SNCAIP: variants seen among roughly 807,000 people sequenced by gnomAD.
The protein encoded by SNCAIP is synuclein alpha interacting protein, also known as synphilin-1.
SNCAIP carries 43 observed loss-of-function variants against 86.7 expected under a neutral mutation model. The ratio of observed to expected loss-of-function variants is 0.50; its 90% confidence interval spans 0.39 to 0.64. SNCAIP has a LOEUF of 0.64. Ranked by LOEUF, SNCAIP falls within the 30% of genes least tolerant of loss-of-function variation. The pLI is 0.00. For synonymous variants in SNCAIP, 417 were observed against 427.2 expected, an observed-to-expected ratio of 0.98 and a Z score of 0.29; for missense variants, 981 against 1,103.1, an observed-to-expected ratio of 0.89 and a Z score of 1.57.
intron 1 of SNCAIP, chr5:122,371,275 C>A (rs1764204068): frequency 6.6e-6 from 1 of 151,434 alleles, no homozygotes; most frequent in Admixed American, 6.6e-5. Flanking sequence ...TTTCTGTTAT[C>A]CAACCTAGGT....
At chr5:122,433,006 T>C (rs2152948963) in intron 6 of SNCAIP, among the ~76,000 whole-genome samples, 1 of 152,186 alleles carries the variant, frequency 6.6e-6, no homozygotes, top group East Asian at 1.9e-4. Flanking sequence ...CTTTTTCAAG[T>C]AAGACAATCT....
chr5:122,333,816 T>G (rs546577141), intron 1 of SNCAIP, among the ~76,000 whole-genome samples: 6 of 152,174 alleles, frequency 3.9e-5, no homozygotes, highest in Non-Finnish European at 8.8e-5. Context: ...GCCTTAAAGA[T>G]TATTAATTGC....
At chr5:122,455,596 C>G (rs761751284) in intron 10 of SNCAIP, among the ~76,000 whole-genome samples, 2 of 152,172 alleles carry the variant, frequency 1.3e-5, no homozygotes, top group Non-Finnish European at 2.9e-5. Flanking sequence ...CAGCATATCC[C>G]TGGGGAAAAG....
intron 1 of SNCAIP, among the ~76,000 whole-genome samples, chr5:122,338,598 A>C (rs952762182): frequency 6.6e-6 from 1 of 152,190 alleles, no homozygotes. Flanking sequence ...ACAATTTATA[A>C]AGGTTGTGAA....
chr5:122,394,672 G>A (rs781658129), intron 2 of SNCAIP, among the ~76,000 whole-genome samples: 10 of 152,150 alleles, frequency 6.6e-5, no homozygotes, highest in Non-Finnish European at 1.3e-4. Flanking sequence ...ATTCTTTGGA[G>A]CTATGGTGTA....
chr5:122,451,088 C>G lies in SNCAIP; in HGVS notation c.2241C>G (p.Ser747Arg). The change falls in exon 10 of 11, where the codon AGC (serine) becomes AGG (arginine). Residue 747 changes from serine to arginine, a missense_variant. Transcript: ENST00000261368. Reference protein sequence around the residue: ...IKASKSLDGHSPSPTSESSEP... With the variant: ...IKASKSLDGHRPSPTSESSEP... ...CCTCCAAATCCCTGGATGGCCACAG[C>G]CCATCTCCCACCTCAGAGAGCAGCG... 1 of 1,614,154 alleles carries G rather than the reference C, an allele frequency of 6.2e-7. No individual in the cohort carries two copies. The highest frequency in any genetic ancestry group is 1.1e-5 in the South Asian group (1 of 91,078).
Position 122,313,610 on chromosome 5 carries a change from G to A in SNCAIP, c.-47+1326G>A, listed in dbSNP as rs543746234. 2.6e-5 allele frequency among the ~76,000 whole-genome samples: 4 copies of A among 152,386 alleles called. No homozygotes were observed. The East Asian group carries it at 7.7e-4, about 29-fold the overall frequency. Reference sequence around the variant, plus strand: ...AAATTTAAAAGGCAAAGAACAAGGTGTAGGAAAGCAGTATGCTAATGTGTA... The same window carrying A: ...AAATTTAAAAGGCAAAGAACAAGGTATAGGAAAGCAGTATGCTAATGTGTA... On this transcript the variant is annotated intron_variant, in intron 1 of 10. Coordinates refer to ENST00000261368, the MANE Select transcript of SNCAIP (RefSeq NM_005460.4).
intron 1 of SNCAIP, among the ~76,000 whole-genome samples, chr5:122,317,847 C>T (rs773215413): frequency 2.0e-5 from 3 of 152,132 alleles, no homozygotes; most frequent in Non-Finnish European, 2.9e-5. Context: ...TTCTCCCTTT[C>T]TTCCTCCACC....
intron 1 of SNCAIP, among the ~76,000 whole-genome samples, chr5:122,333,047 T>TA (rs1365641311): frequency 2.0e-5 from 3 of 152,176 alleles, no homozygotes; most frequent in Non-Finnish European, 4.4e-5. Context: ...AAGAATGAAA[T>TA]AGCTGAGCTT....
At chr5:122,332,690 A>G (rs1438729644) in intron 1 of SNCAIP, among the ~76,000 whole-genome samples, 1 of 152,184 alleles carries the variant, frequency 6.6e-6, no homozygotes, top group Admixed American at 6.5e-5. Flanking sequence ...CTGGAAGGAA[A>G]ACCATTCTGA....
intron 10 of SNCAIP, among the ~76,000 whole-genome samples, chr5:122,458,926 T>C (rs1785447464): frequency 1.3e-5 from 2 of 152,130 alleles, no homozygotes; most frequent in Admixed American, 6.6e-5. Context: ...TGGTGCATGA[T>C]AGAGACTTCA....
intron 10 of SNCAIP, among the ~76,000 whole-genome samples, chr5:122,457,047 G>A (rs1253596793): frequency 1.3e-5 from 2 of 152,118 alleles, no homozygotes; most frequent in Non-Finnish European, 2.9e-5. Context: ...TGTCACCCAG[G>A]CTGGAGTGCA....
chr5:122,426,499 T>C (rs1025206606), intron 5 of SNCAIP, among the ~76,000 whole-genome samples: 1 of 152,202 alleles, frequency 6.6e-6, no homozygotes, highest in African/African-American at 2.4e-5. Flanking sequence ...TATTTTTAAT[T>C]TGATGATTCA....
At chr5:122,338,783 C>A (rs534655782) in intron 1 of SNCAIP, among the ~76,000 whole-genome samples, 5 of 152,242 alleles carry the variant, frequency 3.3e-5, no homozygotes, top group Middle Eastern at 3.4e-3. Flanking sequence ...TTGCCCAAAT[C>A]TTTAAAAGAA....
chr5:122,356,019 TAA>T (rs1265400003), intron 1 of SNCAIP, among the ~76,000 whole-genome samples: 1 of 151,998 alleles, frequency 6.6e-6, no homozygotes, highest in African/African-American at 2.4e-5. Flanking sequence ...TATGCATGTT[TAA>T]ATATATGTAG....
chr5:122,423,037 G>A lies in SNCAIP; in HGVS notation c.300G>A (p.Gln100=). 6.2e-7 allele frequency: 1 copy of A among 1,614,118 alleles called. No homozygotes were observed. The stretch of plus-strand genomic sequence containing the variant: ...ATGAAAGTGATGACCAAAAGAACCA[G>A]AAAGTGGTTGAGTACCAGAAAGGGG... ...ENNESDDQKN[Q]KVVEYQKGGE... The change falls in exon 4 of 11, where the codon CAG becomes CAA. Residue 100 remains glutamine (Q), a synonymous_variant. Coordinates refer to ENST00000261368, the MANE Select transcript of SNCAIP (RefSeq NM_005460.4).
chr5:122,393,623 G>A (rs138133806), intron 2 of SNCAIP, among the ~76,000 whole-genome samples: 123 of 152,230 alleles, frequency 8.1e-4, no homozygotes, highest in Middle Eastern at 3.4e-3. Context: ...GTTGCTACTA[G>A]CATCTAGTGG....
intron 6 of SNCAIP, chr5:122,437,286 T>C: frequency 6.6e-6 from 1 of 152,148 alleles, no homozygotes; most frequent in Admixed American, 6.6e-5. Flanking sequence ...TTTTGAATGG[T>C]AGAACTGTGC....
At chr5:122,440,526 GT>G in intron 6 of SNCAIP, 102 bp from the exon 7 acceptor site, 2 of 1,134,680 alleles carry the variant, frequency 1.8e-6, no homozygotes, top group Non-Finnish European at 2.7e-6. Context: ...GGTAAGCATG[GT>G]TTTACCTAAG....
Sources: gnomAD v4.1 joint callset for allele counts (sites outside exome capture counted in the v4.1 genomes callset) on GRCh38, gnomAD v4.1.1 for gene constraint, MANE v1.5 for transcripts, NCBI Gene and HGNC (gene_info 2026-07-23, HGNC 2026-07-21) for gene names.